Variants in MYO9A observed in about 807,000 individuals in gnomAD.
MYO9A encodes myosin IXA.
MYO9A carries 103 observed loss-of-function variants against 293.3 expected under a neutral mutation model. That is an observed-to-expected ratio of 0.35 (90% confidence interval 0.30 to 0.41). The LOEUF (loss-of-function observed/expected upper bound fraction) is 0.41. Among genes scored for constraint, MYO9A ranks in the 10% least tolerant of loss-of-function variants. MYO9A has a pLI of 1.00. For missense variants in MYO9A, 2,685 were observed against 3,033.0 expected, an observed-to-expected ratio of 0.89 and a Z score of 2.69; for synonymous variants, 1,001 against 1,035.7, an observed-to-expected ratio of 0.97 and a Z score of 0.64.
At chr15:72,067,189 T>G (rs568727992) in intron 1 of MYO9A, among the ~76,000 whole-genome samples, 1 of 149,162 alleles carries the variant, frequency 6.7e-6, no homozygotes, top group Non-Finnish European at 1.5e-5. Flanking sequence ...ATTAATATTA[T>G]TACTATATAA....
chr15:72,014,065 G>A lies in MYO9A; in HGVS notation c.1156-3618C>T, dbSNP rs574520265. Among the ~76,000 whole-genome samples, 10 of 152,252 alleles carry A rather than the reference G, an allele frequency of 6.6e-5. No homozygotes were observed. In the South Asian group the frequency reaches 2.1e-3, roughly 32 times the overall value. On this transcript the variant is annotated intron_variant, in intron 6 of 41. Transcript: ENST00000356056. ...CAAGTGATCTGCCTAGCTCAGCCTTGCAAAGTGCTGGGATTACAAGCATGA... is the reference window on the plus strand; with the variant it reads ...CAAGTGATCTGCCTAGCTCAGCCTTACAAAGTGCTGGGATTACAAGCATGA...
At chr15:71,848,515 G>A (rs889295436) in intron 39 of MYO9A, among the ~76,000 whole-genome samples, 1 of 152,050 alleles carries the variant, frequency 6.6e-6, no homozygotes, top group Non-Finnish European at 1.5e-5. Context: ...AACAGACAGT[G>A]GAAGGAAGTG....
intron 1 of MYO9A, among the ~76,000 whole-genome samples, chr15:72,056,197 C>G (rs2078713306): frequency 6.6e-6 from 1 of 152,166 alleles, no homozygotes; most frequent in African/African-American, 2.4e-5. Flanking sequence ...CACTGTGCTC[C>G]AACCTGCACA....
At chr15:72,070,072 T>C (rs1596504690) in intron 1 of MYO9A, among the ~76,000 whole-genome samples, 1 of 141,724 alleles carries the variant, frequency 7.1e-6, no homozygotes, top group Non-Finnish European at 1.5e-5. Context: ...GAGGTTGCAG[T>C]GAGCCGAGAT....
At chr15:71,854,244 C>T (rs958387234) in intron 35 of MYO9A, 133 bp downstream of exon 35, 11 of 728,770 alleles carry the variant, frequency 1.5e-5, no homozygotes, top group Non-Finnish European at 1.6e-5. Flanking sequence ...AAAATGATAA[C>T]AAAGCATCAC....
chr15:71,852,239 T>C lies in MYO9A; in HGVS notation c.6368A>G (p.Asp2123Gly). 6.2e-7 allele frequency: 1 copy of C among 1,611,952 alleles called. No individual in the cohort carries two copies. Among genetic ancestry groups the C allele is most frequent in the Non-Finnish European group, 8.5e-7 (1 of 1,178,556 alleles). The part of the protein sequence containing the change: ...LDTDAESVNL[D>G]DYNIHVIASV... ...TGCAATGACGTGTATGTTATAGTCA[T>C]CTAGATTTACACTCTCAGCATCTAT... The change falls in exon 36 of 42, where the codon GAT becomes GGT. Residue 2123 changes from aspartate (D) to glycine (G), a missense_variant. Physicochemically the swap from Asp to Gly is moderately conservative, Grantham distance 94 (BLOSUM62 -1). Coordinates refer to ENST00000356056, the MANE Select transcript of MYO9A (RefSeq NM_006901.4).
rs762664117 is a variant in MYO9A at position 71,854,450 on chromosome 15, C to G, written c.6273G>C (p.Leu2091=). 9 of 1,613,154 alleles carry G rather than the reference C, an allele frequency of 5.6e-6. No individual in the cohort carries two copies. The highest frequency in any genetic ancestry group is 1.3e-5 in the African/African-American group (1 of 74,906). Reference sequence around the variant, plus strand: ...ACTTTCGATAAATACCTTCTGTATACAGTCCATGCATTTCAATGTAGTTTA... The same window carrying G: ...ACTTTCGATAAATACCTTCTGTATAGAGTCCATGCATTTCAATGTAGTTTA... The part of the protein sequence containing the change: ...KLINYIEMHG[L]YTEGIYRKSG... Residue 2091 remains leucine (L), a synonymous_variant, in exon 35 of 42, where the codon CTG becomes CTC. Transcript: ENST00000356056.
intron 6 of MYO9A, among the ~76,000 whole-genome samples, chr15:72,018,360 T>A (rs537492677): frequency 2.6e-5 from 4 of 152,076 alleles, no homozygotes; most frequent in Admixed American, 2.6e-4. Flanking sequence ...CCCAGCTACT[T>A]GGGAGGCTGA....
intron 15 of MYO9A, among the ~76,000 whole-genome samples, chr15:71,947,179 G>C (rs1293648920): frequency 6.6e-6 from 1 of 151,610 alleles, no homozygotes; most frequent in Non-Finnish European, 1.5e-5. Context: ...GTGCTTGGGA[G>C]GCTAAGGCAT....
At chr15:72,091,022 C>T (rs1307672045) in intron 1 of MYO9A, among the ~76,000 whole-genome samples, 1 of 149,988 alleles carries the variant, frequency 6.7e-6, no homozygotes, top group African/African-American at 2.4e-5. Flanking sequence ...AAAGCAACAC[C>T]TCATCTCCAC....
At chr15:71,836,434 T>C (rs181910166) in intron 39 of MYO9A, among the ~76,000 whole-genome samples, 68 of 152,164 alleles carry the variant, frequency 4.5e-4, no homozygotes, top group Middle Eastern at 3.4e-3. Context: ...AACAACCATT[T>C]TGGAAGAAAG....
intron 12 of MYO9A, among the ~76,000 whole-genome samples, chr15:71,976,572 A>T (rs1245209333): frequency 6.6e-6 from 1 of 152,244 alleles, no homozygotes; most frequent in Non-Finnish European, 1.5e-5. Context: ...TCAACACGGA[A>T]TATCAAAATC....
Position 71,826,443 on chromosome 15 carries a change from C to T in MYO9A, c.*137G>A. ...AGGAGGCCCAGGAATTCAGCACATA[C>T]AGTCTTAGCCATATGCTTAGAAAAG... On this transcript the variant is annotated 3_prime_UTR_variant, in exon 42 of 42. Coordinates refer to ENST00000356056, the MANE Select transcript of MYO9A (RefSeq NM_006901.4). The T allele has an allele frequency of 3.7e-6, 3 of 813,228 alleles. No individual in the cohort carries two copies. In the South Asian group the frequency reaches 6.3e-5, roughly 17 times the overall value. 50.4% of individuals were successfully genotyped at this position (813,228 alleles called of 1,614,324 possible).
chr15:71,985,651 A>G (rs889958458), intron 11 of MYO9A, among the ~76,000 whole-genome samples: 1 of 152,146 alleles, frequency 6.6e-6, no homozygotes, highest in African/African-American at 2.4e-5. Flanking sequence ...AAACACTACA[A>G]AAATAACGAA....
chr15:72,002,008 C>T (rs1295639493), intron 8 of MYO9A, among the ~76,000 whole-genome samples: 2 of 152,154 alleles, frequency 1.3e-5, no homozygotes, highest in Admixed American at 6.5e-5. Context: ...AGGTGGCTCA[C>T]ACCTATAATC....
intron 13 of MYO9A, among the ~76,000 whole-genome samples, chr15:71,966,683 A>C (rs1760980097): frequency 6.6e-6 from 1 of 152,052 alleles, no homozygotes; most frequent in Non-Finnish European, 1.5e-5. Flanking sequence ...CCCAACCTCT[A>C]CTGCCACTCC....
chr15:71,875,684 C>A, intron 32 of MYO9A, 107 bp downstream of exon 32: 1 of 491,764 alleles, frequency 2.0e-6, no homozygotes, highest in East Asian at 3.7e-5. Context: ...GCCTAGGTAC[C>A]TGATAAACTT....
chr15:72,001,567 A>AAG (rs922293646), intron 8 of MYO9A, among the ~76,000 whole-genome samples: 2 of 151,582 alleles, frequency 1.3e-5, no homozygotes, highest in African/African-American at 4.8e-5. Context: ...AAAAAAAAAA[A>AAG]AAAAAATAGA....
At chr15:71,827,093 A>AAATC in intron 41 of MYO9A, 50 bp from the exon 42 acceptor site, 2 of 1,336,596 alleles carry the variant, frequency 1.5e-6, no homozygotes, top group East Asian at 2.3e-5. Context: ...CCTCTAAAGC[A>AAATC]AATCATCATA....
Sources: allele counts gnomAD v4.1 joint callset (sites outside exome capture counted in the v4.1 genomes callset), GRCh38; gene constraint gnomAD v4.1.1; transcripts MANE v1.5; gene names NCBI Gene and HGNC (gene_info 2026-07-23, HGNC 2026-07-21).